Variants in DNAAF8 observed in about 807,000 individuals in gnomAD.
DNAAF8 encodes the protein dynein axonemal-associated protein 1.
Under a neutral mutation model 54.6 loss-of-function variants are expected in DNAAF8, and 61 were observed. The ratio of observed to expected loss-of-function variants is 1.12; its 90% CI spans 0.91 to 1.38. The LOEUF (loss-of-function observed/expected upper bound fraction) is 1.38, where lower values mean the gene tolerates loss of function less well. Ranked by LOEUF, DNAAF8 falls within the 40% of genes most tolerant of loss-of-function variation. The pLI is 0.00. For synonymous variants in DNAAF8, 320 were observed against 270.1 expected (o/e 1.18, Z -1.81); for missense variants, 837 against 665.0 (o/e 1.26, Z -2.85).
At position 4,749,382 on chromosome 16, in the gene DNAAF8, C is replaced by G. The variant is rs1474857288; in HGVS notation, c.*667C>G. On this transcript the variant is annotated 3_prime_UTR_variant, in exon 10 of 10. Coordinates refer to ENST00000299320, the MANE Select transcript of DNAAF8 (RefSeq NM_139170.3). ...GTTTTACAGTGATGGAAAATAAACT[C>G]TGTTCCAAGTTCAACTCTGAATTAC... is the stretch of plus-strand genomic sequence containing the variant. The G allele has an allele frequency of 6.5e-6, 1 of 154,430 alleles. No homozygotes were observed. The highest frequency in any genetic ancestry group is 1.5e-5 in the Non-Finnish European group (1 of 68,228). 9.6% of individuals were successfully genotyped at this position (154,430 alleles called of 1,614,324 possible). A position where few individuals can be genotyped will look rare whatever the true frequency, so the allele number is the denominator to read the frequency against.
chr16:4,738,892 A>AT (rs1348121802), intron 3 of DNAAF8, among the ~76,000 whole-genome samples: 2 of 151,990 alleles, frequency 1.3e-5, no homozygotes, highest in African/African-American at 2.4e-5. Flanking sequence ...TCTAAAAAAA[A>AT]AATAATAATA....
At chr16:4,739,265 G>GTTTTTTTTTTTTTGTTTTTT (rs2081932035) in intron 3 of DNAAF8, among the ~76,000 whole-genome samples, 1 of 69,030 alleles carries the variant, frequency 1.4e-5, no homozygotes, top group African/African-American at 5.4e-5. Flanking sequence ...ATTTTTTCTT[G>GTTTTTTTTTTTTTGTTTTTT]TTTTTTTTTT....
In DNAAF8 at chr16:4,740,348, AC is replaced by A. The variant is rs1328400438; in HGVS notation, c.474del (p.Gly160AspfsTer35). The A allele has an allele frequency of 1.9e-5, 30 of 1,613,716 alleles. No individual in the cohort carries two copies. Among genetic ancestry groups the A allele is most frequent in the Non-Finnish European group, 2.5e-5 (29 of 1,179,898 alleles). Reference protein sequence around the residue: ...EGDLGSLSFNTKGSQGPPWDP... With the variant: ...EGDLGSLSFNXKGSQGPPWDP... ...CGACCTTGGAAGCCTGTCTTTCAAC[AC>A]CAAAGGATCCCAGGGTCCTCCCTGG... On this transcript the variant is annotated frameshift_variant, in exon 4 of 10. Coordinates refer to ENST00000299320, the MANE Select transcript of DNAAF8 (RefSeq NM_139170.3). LOFTEE classifies it high-confidence loss of function.
chr16:4,744,012 C>A (rs2081981813), intron 5 of DNAAF8, among the ~76,000 whole-genome samples: 3 of 151,310 alleles, frequency 2.0e-5, no homozygotes, highest in African/African-American at 7.3e-5. Context: ...TCACTGCAAC[C>A]TCCACCTCCC....
At position 4,744,925 on chromosome 16, in the gene DNAAF8, C is replaced by T. The variant is rs1483436992; in HGVS notation, c.957C>T (p.Cys319=). 5.0e-6 allele frequency: 8 copies of T among 1,613,890 alleles called. No homozygotes were observed. Among genetic ancestry groups the T allele is most frequent in the South Asian group, 1.1e-5 (1 of 91,088 alleles). The change falls in exon 6 of 10, where the codon TGC becomes TGT. Residue 319 remains cysteine, a synonymous_variant. Coordinates refer to ENST00000299320, the MANE Select transcript of DNAAF8 (RefSeq NM_139170.3). ...TCATGGAACAGCTGGCCCTCCTGTG[C>T]ACCACGCAGTCCAAGGCCTCTGCTT... The part of the protein sequence containing the change: ...NRLMEQLALL[C]TTQSKASACA...
At position 4,747,334 on chromosome 16, in the gene DNAAF8, G is replaced by A. The variant is rs1451799776; in HGVS notation, c.1281-9G>A. The A allele has an allele frequency of 7.1e-6, 11 of 1,549,548 alleles. No individual in the cohort carries two copies. The highest frequency in any genetic ancestry group is 1.4e-5 in the African/African-American group (1 of 73,050). Reference sequence around the variant, plus strand: ...GGGGTTGAGTGAATTTGGTCTCATTGTGTCACAGGACCTGTACCGGGAAAA... The same window carrying A: ...GGGGTTGAGTGAATTTGGTCTCATTATGTCACAGGACCTGTACCGGGAAAA... On this transcript the variant is annotated splice_polypyrimidine_tract_variant and intron_variant, in intron 8 of 9. Transcript: ENST00000299320.
intron 9 of DNAAF8, 79 bp downstream of exon 9, chr16:4,747,713 G>C: frequency 6.9e-7 from 1 of 1,443,936 alleles, no homozygotes; most frequent in Non-Finnish European, 9.2e-7. Flanking sequence ...TGTTGTTCCT[G>C]CATTTCCACT....
intron 5 of DNAAF8, among the ~76,000 whole-genome samples, chr16:4,744,230 C>T (rs2081984947): frequency 1.3e-5 from 2 of 152,132 alleles, no homozygotes; most frequent in Admixed American, 6.6e-5. Flanking sequence ...CGCGCTTGGC[C>T]GAATGTATTC....
At chr16:4,742,987 C>G (rs1176319745) in intron 4 of DNAAF8, 56 bp from the exon 5 acceptor site, 11 of 1,378,442 alleles carry the variant, frequency 8.0e-6, no homozygotes, top group Non-Finnish European at 1.1e-5. Flanking sequence ...GAAGCAGGTA[C>G]TTGTGCCTCT....
intron 1 of DNAAF8, chr16:4,735,139 T>TA (rs2081864243): frequency 6.6e-6 from 1 of 152,358 alleles, no homozygotes; most frequent in African/African-American, 2.4e-5. Context: ...TCCTTTGAGC[T>TA]ACTGTACATG....
chr16:4,740,342 T>G lies in DNAAF8; in HGVS notation c.466T>G (p.Phe156Val). ...WLEGDLGSLS[F>V]NTKGSQGPPW... ...GGAAGGCGACCTTGGAAGCCTGTCT[T>G]TCAACACCAAAGGATCCCAGGGTCC... The change falls in exon 4 of 10, where the codon TTC becomes GTC. Residue 156 changes from phenylalanine (F) to valine (V), a missense_variant. Physicochemically the swap from Phe to Val is conservative, Grantham distance 50. Transcript: ENST00000299320. The G allele has an allele frequency of 6.2e-7, 1 of 1,613,890 alleles. No homozygotes were observed. The highest frequency in any genetic ancestry group is 8.5e-7 in the Non-Finnish European group (1 of 1,179,956).
rs147797345 is a variant in DNAAF8 at position 4,738,054 on chromosome 16, C to CT, written c.276+118dup. 7,134 of 1,175,756 alleles carry CT rather than the reference C, an allele frequency of 6.1e-3. 1 individual carries two copies. Among genetic ancestry groups the CT allele is most frequent in the South Asian group, 0.01 (527 of 52,652 alleles). The allele number at this position is 1,175,756 out of a possible 1,614,324, so 72.8% of individuals were successfully genotyped here. ...TTCCACGATATGCTAGAACATGGTC[C>CT]TTTTTTTTTTCCCCCATGTACAACC... On this transcript the variant is annotated intron_variant, in intron 3 of 9. Coordinates refer to ENST00000299320, the MANE Select transcript of DNAAF8 (RefSeq NM_139170.3).
In DNAAF8 at chr16:4,737,923, G is replaced by A; in HGVS notation, c.253G>A (p.Ala85Thr). 1 of 1,614,232 alleles carries A rather than the reference G, an allele frequency of 6.2e-7. No individual in the cohort carries two copies. The highest frequency in any genetic ancestry group is 2.2e-5 in the East Asian group (1 of 44,878). The change falls in exon 3 of 10, where the codon GCA becomes ACA. Residue 85 changes from alanine to threonine, a missense_variant. Coordinates refer to ENST00000299320, the MANE Select transcript of DNAAF8 (RefSeq NM_139170.3). Reference protein sequence around the residue: ...DGDKSRAWVAAAEESLPEPVL... With the variant: ...DGDKSRAWVATAEESLPEPVL... ...CGACAAGTCCAGGGCCTGGGTCGCT[G>A]CAGCTGAAGAGTCCCTTCCCGAGGT...
At chr16:4,746,327 A>C in intron 6 of DNAAF8, 48 bp from the exon 7 acceptor site, 1 of 1,567,752 alleles carries the variant, frequency 6.4e-7, no homozygotes, top group Non-Finnish European at 8.7e-7. Context: ...CAGGTCACAG[A>C]GTTATCACAG....
intron 6 of DNAAF8, 46 bp downstream of exon 6, chr16:4,745,057 C>T: frequency 6.3e-7 from 1 of 1,591,532 alleles, no homozygotes; most frequent in Non-Finnish European, 8.6e-7. Flanking sequence ...TTTAGAATGG[C>T]CCCATGGTTT....
At chr16:4,743,922 C>CTTTTTT (rs549586077) in intron 5 of DNAAF8, 1 of 106,024 alleles carries the variant, frequency 9.4e-6, no homozygotes, top group African/African-American at 3.7e-5. Context: ...AGAATGTATT[C>CTTTTTT]TTTTTTTTTT....
rs548525874 is a variant in DNAAF8, at chr16:4,740,717, T to C, written c.783+58T>C. ...GGCCTGTTACCTGTGGCATGGCTGC[T>C]GTTCCCATGCACTGGAGCTAGAAGC... is the stretch of plus-strand genomic sequence containing the variant. On this transcript the variant is annotated intron_variant, in intron 4 of 9. Coordinates refer to ENST00000299320, the MANE Select transcript of DNAAF8 (RefSeq NM_139170.3). The C allele has an allele frequency of 1.1e-5, 16 of 1,494,296 alleles. 1 individual carries two copies. The South Asian group carries it at 1.9e-4, about 18-fold the overall frequency. 92.6% of individuals were successfully genotyped at this position (1,494,296 alleles called of 1,614,324 possible).
rs911097402 is a variant in DNAAF8, at chr16:4,747,552, C to T, written c.1490C>T (p.Pro497Leu). 7 of 1,612,342 alleles carry T rather than the reference C, an allele frequency of 4.3e-6. No homozygotes were observed. The African/African-American group carries it at 8.0e-5, about 18-fold the overall frequency. The change falls in exon 9 of 10, where the codon CCC (proline) becomes CTC (leucine). Residue 497 changes from proline (P) to leucine (L), a missense_variant. Physicochemically the swap from Pro to Leu is moderately conservative, Grantham distance 98. Transcript: ENST00000299320. ...CAGGCTCGACTCCCAAGAGGCAGGC[C>T]CAGAGCCCTGGGGGATGTTCCTGAG... ...SAQARLPRGR[P>L]RALGDVPEPG... is the part of the protein sequence containing the mutation.
intron 7 of DNAAF8, 32 bp downstream of exon 7, chr16:4,746,544 C>T (rs1364920686): frequency 6.3e-7 from 1 of 1,599,382 alleles, no homozygotes; most frequent in African/African-American, 1.3e-5. Flanking sequence ...CCATACCAGC[C>T]TCTACTTTGC....
Sources: allele counts gnomAD v4.1 joint callset (sites outside exome capture counted in the v4.1 genomes callset), GRCh38; gene constraint gnomAD v4.1.1; transcripts MANE v1.5; gene names NCBI Gene and HGNC (gene_info 2026-07-23, HGNC 2026-07-21).